Variants in THSD4 observed in about 807,000 individuals in gnomAD.
THSD4 encodes thrombospondin type-1 domain-containing protein 4.
THSD4 carries 69 observed loss-of-function variants against 119.0 expected under a neutral mutation model. The ratio of observed to expected loss-of-function variants is 0.58; its 90% CI spans 0.48 to 0.71. THSD4 has a LOEUF of 0.71. Among genes scored for constraint, THSD4 ranks in the 30% least tolerant of loss-of-function variants. THSD4 has a pLI of 0.00. For synonymous variants in THSD4, 524 were observed against 540.4 expected (o/e 0.97, Z 0.42); for missense variants, 1,393 against 1,391.1 (o/e 1.00, Z -0.02).
chr15:71,101,560 T>C lies in THSD4; in HGVS notation c.-80+4554T>C, dbSNP rs111237782. 3.0e-3 allele frequency among the ~76,000 whole-genome samples: 461 copies of C among 152,352 alleles called. 2 individuals carry two copies. Among genetic ancestry groups the C allele is most frequent in the African/African-American group, 0.011 (448 of 41,584 alleles). Reference sequence around the variant, plus strand: ...TAAAGTTTCCCTCGATTTAATTTCCTTGTAGTCTGAAGAATTCTCCTTAGC... The same window carrying C: ...TAAAGTTTCCCTCGATTTAATTTCCCTGTAGTCTGAAGAATTCTCCTTAGC... On this transcript the variant is annotated intron_variant, in intron 1 of 17. Coordinates refer to the THSD4 transcript ENST00000355327.
At chr15:71,403,021 G>A (rs2046557974) in intron 6 of THSD4, among the ~76,000 whole-genome samples, 1 of 152,104 alleles carries the variant, frequency 6.6e-6, no homozygotes, top group Admixed American at 6.6e-5. Flanking sequence ...ATCTCAAAAT[G>A]TATTGGGTAT....
intron 6 of THSD4, among the ~76,000 whole-genome samples, chr15:71,301,069 G>A (rs138152794): frequency 1.9e-4 from 29 of 152,250 alleles, no homozygotes; most frequent in African/African-American, 6.5e-4. Flanking sequence ...TCTGCCCTAA[G>A]ATTATTTTCT....
chr15:71,624,829 G>T (rs1014969187), intron 7 of THSD4, among the ~76,000 whole-genome samples: 1 of 152,166 alleles, frequency 6.6e-6, no homozygotes, highest in Non-Finnish European at 1.5e-5. Flanking sequence ...CCTGTGCTAG[G>T]ATCATCTGGT....
In THSD4 at chr15:71,553,223, G is replaced by A. The variant is rs1177354019; in HGVS notation, c.1153-107307G>A. The stretch of plus-strand genomic sequence containing the variant: ...AGTTTTTCCTTCTTTTCTGATACCT[G>A]TGCTTCTTGTTTCTACCTCATGTCT... On this transcript the variant is annotated intron_variant, in intron 7 of 17. Transcript: ENST00000261862. Among the ~76,000 whole-genome samples the A allele has an allele frequency of 4.6e-5, 7 of 151,984 alleles. No individual in the cohort carries two copies. The East Asian group carries it at 1.2e-3, about 25-fold the overall frequency.
chr15:71,101,724 T>TA (rs879606227), intron 1 of THSD4, among the ~76,000 whole-genome samples: 6 of 152,008 alleles, frequency 3.9e-5, no homozygotes, highest in South Asian at 2.1e-4. Context: ...TTTTTATTTT[T>TA]TTTTTTTGAG....
At chr15:71,468,069 G>C (rs1318864071) in intron 7 of THSD4, among the ~76,000 whole-genome samples, 4 of 151,948 alleles carry the variant, frequency 2.6e-5, no homozygotes, top group Admixed American at 1.3e-4. Flanking sequence ...GGCTGGTCTC[G>C]AACTGCTGAC....
At chr15:71,112,141 C>G (rs751334099), upstream of THSD4, 3 of 1,613,480 alleles carry the variant, frequency 1.9e-6, no homozygotes, top group Non-Finnish European at 2.5e-6. Context: ...GATTTGGGAG[C>G]CCTCACCACG....
chr15:71,335,985 C>G (rs931662859), intron 6 of THSD4, among the ~76,000 whole-genome samples: 3 of 152,192 alleles, frequency 2.0e-5, no homozygotes, highest in African/African-American at 7.2e-5. Flanking sequence ...TGGACTGCAG[C>G]AGAACACAGT....
At chr15:71,580,538 C>G (rs892434261) in intron 7 of THSD4, among the ~76,000 whole-genome samples, 1 of 152,076 alleles carries the variant, frequency 6.6e-6, no homozygotes, top group Non-Finnish European at 1.5e-5. Flanking sequence ...AATACAGTAT[C>G]ATTAACTATA....
intron 7 of THSD4, among the ~76,000 whole-genome samples, chr15:71,643,050 G>A (rs545865008): frequency 6.6e-6 from 1 of 152,198 alleles, no homozygotes; most frequent in East Asian, 1.9e-4. Context: ...TTACTCAACT[G>A]CCTCAGTTTT....
At chr15:71,765,306 C>A (rs1451333589) in intron 16 of THSD4, 107 bp downstream of exon 16, 2 of 1,331,278 alleles carry the variant, frequency 1.5e-6, no homozygotes, top group East Asian at 2.5e-5. Flanking sequence ...GAAAGAGATT[C>A]CCTACAGCAA....
intron 5 of THSD4, among the ~76,000 whole-genome samples, chr15:71,252,159 C>T (rs2044266543): frequency 6.6e-6 from 1 of 152,120 alleles, no homozygotes; most frequent in East Asian, 1.9e-4. Flanking sequence ...CTTAAGATTA[C>T]AAGAATCTCT....
chr15:71,561,146 T>A (rs80037190), intron 7 of THSD4, among the ~76,000 whole-genome samples: 53,500 of 151,498 alleles, frequency 0.35, 10,593 homozygotes, highest in South Asian at 0.48. Flanking sequence ...GGCTCATTTT[T>A]TGCATTTTTA....
intron 6 of THSD4, among the ~76,000 whole-genome samples, chr15:71,388,201 T>C (rs2046318307): frequency 6.6e-6 from 1 of 152,232 alleles, no homozygotes; most frequent in Admixed American, 6.5e-5. Context: ...TTTAACACTC[T>C]TGAGGGCTTC....
chr15:71,493,562 A>C (rs551488539), intron 7 of THSD4, among the ~76,000 whole-genome samples: 2 of 152,172 alleles, frequency 1.3e-5, no homozygotes, highest in Non-Finnish European at 2.9e-5. Flanking sequence ...TGACTAGTCT[A>C]TATCAACATT....
intron 6 of THSD4, among the ~76,000 whole-genome samples, chr15:71,390,120 A>G (rs1261574615): frequency 6.6e-6 from 1 of 152,182 alleles, no homozygotes; most frequent in Admixed American, 6.5e-5. Context: ...CAGAATGAGC[A>G]ACATATTCTG....
intron 7 of THSD4, among the ~76,000 whole-genome samples, chr15:71,481,632 G>A (rs763636938): frequency 2.0e-4 from 30 of 151,920 alleles, no homozygotes; most frequent in African/African-American, 7.2e-4. Flanking sequence ...TCATGCTCTA[G>A]CCTCTTTCCC....
Position 71,735,736 on chromosome 15 carries a change from C to T in THSD4, c.1631-1996C>T, listed in dbSNP as rs963755899. Among the ~76,000 whole-genome samples the T allele has an allele frequency of 4.0e-5, 6 of 150,520 alleles. No homozygotes were observed. The East Asian group carries it at 1.2e-3, about 30-fold the overall frequency. On this transcript the variant is annotated intron_variant, in intron 10 of 17. Transcript: ENST00000261862. ...TCTCTGTCTCTCTTGCTTTCTGTCA[C>T]TGTCCCTGTCTCTCTTGCTCTCTGT...
chr15:71,308,634 A>G (rs528371910), intron 6 of THSD4, among the ~76,000 whole-genome samples: 29 of 152,268 alleles, frequency 1.9e-4, no homozygotes, highest in African/African-American at 6.5e-4. Context: ...GTTTGGATAT[A>G]TCATTTTGTT....
Sources: allele counts gnomAD v4.1 joint callset (sites outside exome capture counted in the v4.1 genomes callset), GRCh38; gene constraint gnomAD v4.1.1; transcripts MANE v1.5; gene names NCBI Gene and HGNC (gene_info 2026-07-23, HGNC 2026-07-21).